ECRG4: variants seen among roughly 807,000 people sequenced by gnomAD.
The protein encoded by ECRG4 is augurin.
In ECRG4, 18 loss-of-function variants were observed where a neutral mutation model predicts 15.8. The observed-to-expected ratio is 1.14, with a 90% CI of 0.79 to 1.69. ECRG4 has a LOEUF of 1.69. Among genes scored for constraint, ECRG4 ranks in the 40% most tolerant of loss-of-function variants. The pLI is 0.00. For missense variants in ECRG4, 200 were observed against 190.9 expected (o/e 1.05, Z -0.28); for synonymous variants, 82 against 73.9 (o/e 1.11, Z -0.56).
chr2:106,070,488 A>G (rs984233381), intron 1 of ECRG4, among the ~76,000 whole-genome samples: 2 of 152,126 alleles, frequency 1.3e-5, no homozygotes, highest in Non-Finnish European at 2.9e-5. Flanking sequence ...TTCAAATTCA[A>G]AATTTGTAGA....
At chr2:106,074,619 G>A (rs1048732935) in intron 3 of ECRG4, among the ~76,000 whole-genome samples, 2 of 152,196 alleles carry the variant, frequency 1.3e-5, no homozygotes, top group Non-Finnish European at 2.9e-5. Flanking sequence ...GTTTATGATC[G>A]TAGGCTCCCA....
At chr2:106,063,469 T>C (rs971734334), upstream of ECRG4, 3 of 152,242 alleles carry the variant, frequency 2.0e-5, no homozygotes, top group African/African-American at 7.2e-5. Context: ...GATATCAGCA[T>C]AAGAACTGAC....
At position 106,077,800 on chromosome 2, in the gene ECRG4, A is replaced by G. The variant is rs771071087; in HGVS notation, c.321A>G (p.Arg107=). Residue 107 remains arginine, a synonymous_variant, in exon 4 of 4, where the codon AGA becomes AGG. Transcript: ENST00000238044. ...FEDDITYWLN[R]DRNGHEYYGD... ...ATGACATCACCTATTGGCTTAACAG[A>G]GATCGAAATGGACATGAATACTATG... 1 of 1,614,084 alleles carries G rather than the reference A, an allele frequency of 6.2e-7. No homozygotes were observed. The highest frequency in any genetic ancestry group is 8.5e-7 in the Non-Finnish European group (1 of 1,179,998).
intron 1 of ECRG4, among the ~76,000 whole-genome samples, chr2:106,069,537 G>A (rs1430893442): frequency 6.6e-6 from 1 of 152,106 alleles, no homozygotes; most frequent in Non-Finnish European, 1.5e-5. Flanking sequence ...GTTTCACCAA[G>A]TTGACCAGGC....
At chr2:106,066,683 C>G (rs1476418968) in intron 1 of ECRG4, among the ~76,000 whole-genome samples, 1 of 152,152 alleles carries the variant, frequency 6.6e-6, no homozygotes, top group African/African-American at 2.4e-5. Flanking sequence ...GCCCAAGAGC[C>G]TGAGACTGGC....
Position 106,065,711 on chromosome 2 carries a change from C to G in ECRG4, c.-54C>G, listed in dbSNP as rs537333595. Reference sequence around the variant, plus strand: ...GCACCCCTCTCCCGCGCCCGGTTCTCCCTCGCAGCACCTCGAAGTGCGCCC... The same window carrying G: ...GCACCCCTCTCCCGCGCCCGGTTCTGCCTCGCAGCACCTCGAAGTGCGCCC... On this transcript the variant is annotated 5_prime_UTR_variant, in exon 1 of 4. Transcript: ENST00000238044. 5 of 1,378,802 alleles carry G rather than the reference C, an allele frequency of 3.6e-6. No homozygotes were observed. The African/African-American group carries it at 6.1e-5, about 17-fold the overall frequency. 85.4% of individuals were successfully genotyped at this position (1,378,802 alleles called of 1,614,324 possible).
At chr2:106,070,399 C>T (rs1676336326) in intron 1 of ECRG4, among the ~76,000 whole-genome samples, 1 of 152,170 alleles carries the variant, frequency 6.6e-6, no homozygotes, top group Non-Finnish European at 1.5e-5. Context: ...GCACTTTAAT[C>T]CAAATGCTAC....
At chr2:106,073,718 A>G in intron 2 of ECRG4, 168 bp from the exon 3 acceptor site, 2 of 784,174 alleles carry the variant, frequency 2.6e-6, no homozygotes, top group Non-Finnish European at 4.2e-6. Flanking sequence ...GCATGGTGAC[A>G]GAATCTACGA....
Position 106,078,085 on chromosome 2 carries a change from AT to A in ECRG4, c.*160del. ...AGAAGAGTTAAAACAACACATGTAA[AT>A]GCCTTTTGATATTTCATGGGAATGC... is the stretch of plus-strand genomic sequence containing the variant. On this transcript the variant is annotated 3_prime_UTR_variant, in exon 4 of 4. Transcript: ENST00000238044. 2.0e-6 allele frequency: 1 copy of A among 506,056 alleles called. No homozygotes were observed. The highest frequency in any genetic ancestry group is 3.2e-6 in the Non-Finnish European group (1 of 310,580). The allele number at this position is 506,056 out of a possible 1,614,324, so 31.3% of individuals were successfully genotyped here.
At position 106,067,443 on chromosome 2, in the gene ECRG4, G is replaced by A. The variant is rs192356697; in HGVS notation, c.79+1600G>A. 3.1e-3 allele frequency among the ~76,000 whole-genome samples: 477 copies of A among 152,126 alleles called. 6 individuals are homozygous for A. Among genetic ancestry groups the A allele is most frequent in the African/African-American group, 0.011 (442 of 41,458 alleles). On this transcript the variant is annotated intron_variant, in intron 1 of 3. Transcript: ENST00000238044. ...CAGTTAAAATATCATCACCGAGCTG[G>A]GATGTGAAAGTTCTTATACAGTGAA...
chr2:106,065,985 G>A (rs963819871), intron 1 of ECRG4, 142 bp downstream of exon 1: 25 of 693,854 alleles, frequency 3.6e-5, no homozygotes, highest in Non-Finnish European at 4.6e-5. Flanking sequence ...GCCAAGGGGT[G>A]GTAGAGGACC....
intron 1 of ECRG4, among the ~76,000 whole-genome samples, chr2:106,070,520 G>T (rs1179314929): frequency 6.6e-6 from 1 of 152,226 alleles, no homozygotes; most frequent in Admixed American, 6.5e-5. Context: ...CTAATAAAAT[G>T]CAGCCTCAGG....
At chr2:106,069,127 TTC>T (rs1558655669) in intron 1 of ECRG4, among the ~76,000 whole-genome samples, 98 of 133,120 alleles carry the variant, frequency 7.4e-4, no homozygotes, top group African/African-American at 2.1e-3. Context: ...CTTTCTTCCT[TTC>T]TCTTTCTTTC....
At chr2:106,069,523 CG>C (rs1349788611) in intron 1 of ECRG4, among the ~76,000 whole-genome samples, 1 of 151,912 alleles carries the variant, frequency 6.6e-6, no homozygotes, top group Non-Finnish European at 1.5e-5. Flanking sequence ...TTAGTAGGGA[CG>C]GGGTTTCACC....
chr2:106,069,111 CTTTT>C (rs1676285213), intron 1 of ECRG4, among the ~76,000 whole-genome samples: 1 of 120,826 alleles, frequency 8.3e-6, no homozygotes, highest in African/African-American at 2.9e-5. Context: ...TTCCTTCCTT[CTTTT>C]TCTTTCTTCC....
chr2:106,064,245 T>C (rs1294415650), upstream of ECRG4: 1 of 152,222 alleles, frequency 6.6e-6, no homozygotes, highest in Non-Finnish European at 1.5e-5. Flanking sequence ...CACTTTGCAC[T>C]TTTTTCTTTG....
chr2:106,073,894 C>A lies in ECRG4; in HGVS notation c.136C>A (p.Pro46Thr). The part of the protein sequence containing the change: ...LMLQKREAPV[P>T]TKTKVAVDEN... ...GGAATTGATGATTTCAGCACCTGTT[C>A]CAACTAAGACTAAAGTGGCCGTTGA... The change falls in exon 3 of 4, where the codon CCA becomes ACA. Residue 46 changes from proline to threonine, a missense_variant. Pro to Thr is a conservative substitution (Grantham distance 38). Coordinates refer to ENST00000238044, the MANE Select transcript of ECRG4 (RefSeq NM_032411.3). 1 of 1,614,124 alleles carries A rather than the reference C, an allele frequency of 6.2e-7. No homozygotes were observed.
intron 3 of ECRG4, among the ~76,000 whole-genome samples, chr2:106,075,834 T>C (rs911846769): frequency 6.6e-6 from 1 of 152,190 alleles, no homozygotes; most frequent in African/African-American, 2.4e-5. Context: ...TTAATATGCA[T>C]TAAAAAGAGT....
chr2:106,063,916 T>C (rs1471994826), upstream of ECRG4, among the ~76,000 whole-genome samples: 1 of 152,176 alleles, frequency 6.6e-6, no homozygotes, highest in Non-Finnish European at 1.5e-5. Flanking sequence ...ATATTAGAAG[T>C]AGATATTGGT....
Sources: gnomAD v4.1 joint callset for allele counts (sites outside exome capture counted in the v4.1 genomes callset) on GRCh38, gnomAD v4.1.1 for gene constraint, MANE v1.5 for transcripts, NCBI Gene and HGNC (gene_info 2026-07-23, HGNC 2026-07-21) for gene names.